Variants in AMOTL1 observed in about 807,000 individuals in gnomAD.
AMOTL1 encodes angiomotin-like protein 1.
Under a neutral mutation model 102.9 loss-of-function variants are expected in AMOTL1, and 45 were observed. The ratio of observed to expected loss-of-function variants is 0.44; its 90% CI spans 0.34 to 0.56. AMOTL1 has a LOEUF of 0.56. Among genes scored for constraint, AMOTL1 ranks in the 20% least tolerant of loss-of-function variants. The pLI is 0.01. For missense variants in AMOTL1, 1,114 were observed against 1,225.6 expected, an observed-to-expected ratio of 0.91 and a Z score of 1.36; for synonymous variants, 481 against 484.7, an observed-to-expected ratio of 0.99 and a Z score of 0.10.
intron 3 of AMOTL1, among the ~76,000 whole-genome samples, chr11:94,742,163 G>A (rs7129595): frequency 0.14 from 21,807 of 152,128 alleles, 3,292 homozygotes; most frequent in African/African-American, 0.36. Flanking sequence ...ATCTCTATCA[G>A]TGGAATTGTA....
At chr11:94,824,762 A>G (rs544732974) in intron 4 of AMOTL1, among the ~76,000 whole-genome samples, 3 of 152,230 alleles carry the variant, frequency 2.0e-5, no homozygotes, top group Admixed American at 6.5e-5. Flanking sequence ...TTGCTGTACA[A>G]TCTTGTAGGA....
At chr11:94,817,135 C>T (rs1467195111) in intron 3 of AMOTL1, among the ~76,000 whole-genome samples, 1 of 151,902 alleles carries the variant, frequency 6.6e-6, no homozygotes, top group Non-Finnish European at 1.5e-5. Flanking sequence ...TTAAAAGACA[C>T]ATTTAATTGG....
At chr11:94,760,601 A>G (rs191910711) in intron 3 of AMOTL1, among the ~76,000 whole-genome samples, 45 of 152,222 alleles carry the variant, frequency 3.0e-4, no homozygotes, top group Non-Finnish European at 5.4e-4. Context: ...TTACTTACAT[A>G]TCTCCTTGGA....
chr11:94,761,112 A>G (rs1474032201), intron 3 of AMOTL1, among the ~76,000 whole-genome samples: 3 of 151,676 alleles, frequency 2.0e-5, no homozygotes, highest in Admixed American at 6.6e-5. Context: ...TATAGTTCTC[A>G]CATACTTTGC....
intron 6 of AMOTL1, 82 bp downstream of exon 6, chr11:94,831,623 T>A: frequency 1.6e-6 from 2 of 1,233,898 alleles, no homozygotes; most frequent in Non-Finnish European, 2.3e-6. Flanking sequence ...TAGTTTCAAG[T>A]GGGTTTTGTG....
At chr11:94,866,404 A>G in intron 11 of AMOTL1, 1 of 547,372 alleles carries the variant, frequency 1.8e-6, no homozygotes, top group Middle Eastern at 5.0e-4. Flanking sequence ...GATCAGAATT[A>G]TCTATTATTG....
chr11:94,779,179 C>G (rs1951071743), intron 1 of AMOTL1, among the ~76,000 whole-genome samples: 1 of 152,060 alleles, frequency 6.6e-6, no homozygotes, highest in Admixed American at 6.5e-5. Context: ...AAACGTAGCC[C>G]ACAATAAGTC....
At chr11:94,777,644 C>A (rs554542227) in intron 1 of AMOTL1, among the ~76,000 whole-genome samples, 1 of 152,234 alleles carries the variant, frequency 6.6e-6, no homozygotes, top group South Asian at 2.1e-4. Flanking sequence ...AAATAAAATA[C>A]TGAATTTCTT....
At chr11:94,792,668 G>A (rs965238430) in intron 1 of AMOTL1, among the ~76,000 whole-genome samples, 2 of 152,202 alleles carry the variant, frequency 1.3e-5, no homozygotes, top group Admixed American at 6.5e-5. Context: ...CAGTGGACGT[G>A]CAGGACCCTG....
intron 1 of AMOTL1, among the ~76,000 whole-genome samples, chr11:94,728,233 C>G (rs1257014119): frequency 6.6e-6 from 1 of 152,018 alleles, no homozygotes; most frequent in African/African-American, 2.4e-5. Flanking sequence ...AGCCCAGGTA[C>G]AGTTTGCATA....
intron 3 of AMOTL1, among the ~76,000 whole-genome samples, chr11:94,807,188 A>C (rs1270672356): frequency 6.6e-6 from 1 of 152,304 alleles, no homozygotes; most frequent in East Asian, 1.9e-4. Flanking sequence ...CCTCAGTCTT[A>C]TTATCCAGAG....
chr11:94,739,204 G>A (rs993765153), intron 2 of AMOTL1, among the ~76,000 whole-genome samples: 4 of 152,150 alleles, frequency 2.6e-5, no homozygotes, highest in African/African-American at 9.7e-5. Context: ...AGGAGGCTGA[G>A]GATATATAGA....
At chr11:94,715,278 C>A (rs1950079419) in intron 1 of AMOTL1, among the ~76,000 whole-genome samples, 1 of 152,072 alleles carries the variant, frequency 6.6e-6, no homozygotes, top group Non-Finnish European at 1.5e-5. Flanking sequence ...TGTTTTATGA[C>A]CCAGTATATA....
intron 3 of AMOTL1, among the ~76,000 whole-genome samples, chr11:94,750,666 C>T (rs1950642020): frequency 6.6e-6 from 1 of 152,202 alleles, no homozygotes. Flanking sequence ...TGTATCCTGC[C>T]ATCCTCCTCC....
At chr11:94,777,830 C>A (rs936476718) in intron 1 of AMOTL1, among the ~76,000 whole-genome samples, 5 of 152,132 alleles carry the variant, frequency 3.3e-5, no homozygotes, top group Non-Finnish European at 5.9e-5. Context: ...CCTTAAATAT[C>A]TGTTGAGTGA....
chr11:94,840,803 ATATACCTATATTTGTTT>A (rs1952287781), intron 6 of AMOTL1, among the ~76,000 whole-genome samples: 1 of 151,670 alleles, frequency 6.6e-6, no homozygotes, highest in South Asian at 2.1e-4. Flanking sequence ...ATACATATTT[ATATACCTATATTTGTTT>A]TATACCTATA....
intron 3 of AMOTL1, among the ~76,000 whole-genome samples, chr11:94,821,033 A>T (rs1038182648): frequency 1.3e-5 from 2 of 152,114 alleles, no homozygotes; most frequent in African/African-American, 4.8e-5. Context: ...CCACCGTGCT[A>T]GCTGACACCT....
chr11:94,849,594 T>A (rs1952488443), intron 6 of AMOTL1, among the ~76,000 whole-genome samples: 1 of 152,114 alleles, frequency 6.6e-6, no homozygotes, highest in Admixed American at 6.6e-5. Context: ...TGGGGCCAGG[T>A]CATATGGAAA....
rs57178685 is a variant in AMOTL1, at chr11:94,863,279, T to TAA, written c.2136-1441_2136-1440dup. Among the ~76,000 whole-genome samples, 534 of 120,568 alleles carry TAA rather than the reference T, an allele frequency of 4.4e-3. 4 individuals are homozygous for TAA. Among genetic ancestry groups the TAA allele is most frequent in the African/African-American group, 0.014 (493 of 35,174 alleles). The allele number at this position is 120,568 out of a possible 152,430, so 79.1% of individuals were successfully genotyped here. A position where few individuals can be genotyped will look rare whatever the true frequency, so the allele number is the denominator to read the frequency against. On this transcript the variant is annotated intron_variant, in intron 9 of 12. Coordinates refer to ENST00000433060, the MANE Select transcript of AMOTL1 (RefSeq NM_130847.3). ...TATTTTTCTGTTTTGGGCTATTCTG[T>TAA]AAAAAAAAAAAAAAAAGCTTTAAAG...
Sources: gnomAD v4.1 joint callset for allele counts (sites outside exome capture counted in the v4.1 genomes callset) on GRCh38, gnomAD v4.1.1 for gene constraint, MANE v1.5 for transcripts, NCBI Gene and HGNC (gene_info 2026-07-23, HGNC 2026-07-21) for gene names.